The following DIAPH3 variants were observed in gnomAD, a reference collection of about 807,000 sequenced individuals.
DIAPH3 encodes diaphanous related formin 3.
Under a neutral mutation model 144.3 loss-of-function variants are expected in DIAPH3, and 117 were observed. That is an observed-to-expected ratio of 0.81 (90% CI 0.70 to 0.95). DIAPH3 has a LOEUF of 0.95. Among genes scored for constraint, DIAPH3 ranks in the 40% least tolerant of loss-of-function variants. The probability of loss-of-function intolerance (pLI) is 0.00; values close to 1 mark genes in which losing one functional copy is unlikely to be tolerated. For missense variants in DIAPH3, 1,421 were observed against 1,412.7 expected (o/e 1.01, Z -0.09); for synonymous variants, 519 against 488.9 (o/e 1.06, Z -0.81).
intron 4 of DIAPH3, among the ~76,000 whole-genome samples, chr13:60,065,654 T>C (rs1019253035): frequency 1.3e-5 from 2 of 152,216 alleles, no homozygotes. Flanking sequence ...CCATGTCAAC[T>C]CATCAACAAA....
At chr13:59,700,762 C>A (rs1015489740) in intron 27 of DIAPH3, among the ~76,000 whole-genome samples, 1 of 152,132 alleles carries the variant, frequency 6.6e-6, no homozygotes, top group Admixed American at 6.5e-5. Context: ...TAGAGTTCAT[C>A]TGCTATAACG....
At chr13:59,686,206 T>C (rs1223442199) in intron 27 of DIAPH3, among the ~76,000 whole-genome samples, 2 of 152,086 alleles carry the variant, frequency 1.3e-5, no homozygotes, top group Non-Finnish European at 2.9e-5. Context: ...CCAGAAAATG[T>C]GGCACTCAGT....
intron 20 of DIAPH3, among the ~76,000 whole-genome samples, chr13:59,894,300 A>G (rs1386325957): frequency 1.3e-5 from 2 of 152,106 alleles, no homozygotes; most frequent in Non-Finnish European, 2.9e-5. Context: ...GCATTCAGGT[A>G]ACGGACATAA....
intron 5 of DIAPH3, among the ~76,000 whole-genome samples, chr13:60,024,315 T>C (rs2054236178): frequency 1.3e-5 from 2 of 152,220 alleles, no homozygotes; most frequent in Admixed American, 6.5e-5. Flanking sequence ...GTCCAGACTA[T>C]ATACTTTCTA....
chr13:60,100,577 CTAA>C (rs1385332790), intron 3 of DIAPH3, among the ~76,000 whole-genome samples: 1 of 151,976 alleles, frequency 6.6e-6, no homozygotes, highest in African/African-American at 2.4e-5. Context: ...AATAATTGTA[CTAA>C]TGTTATATAA....
chr13:59,952,181 G>C (rs1204399126), intron 17 of DIAPH3, among the ~76,000 whole-genome samples: 1 of 152,084 alleles, frequency 6.6e-6, no homozygotes. Flanking sequence ...CCACTGATAT[G>C]AAACATCCAG....
intron 17 of DIAPH3, among the ~76,000 whole-genome samples, chr13:59,962,928 T>A (rs2049845593): frequency 6.6e-6 from 1 of 152,164 alleles, no homozygotes; most frequent in South Asian, 2.1e-4. Context: ...ATTGTACTCA[T>A]GGAAACTTAA....
intron 1 of DIAPH3, among the ~76,000 whole-genome samples, chr13:60,140,257 A>G (rs1324616784): frequency 6.6e-6 from 1 of 152,236 alleles, no homozygotes; most frequent in East Asian, 1.9e-4. Flanking sequence ...AATTTGGTTA[A>G]ACCATTTTAG....
chr13:59,856,901 A>T (rs1449286298), intron 22 of DIAPH3, among the ~76,000 whole-genome samples: 4 of 94,226 alleles, frequency 4.2e-5, no homozygotes. Context: ...GATATTGGTA[A>T]AAAAAAAAAA....
At chr13:60,115,976 C>T (rs1463895584) in intron 2 of DIAPH3, among the ~76,000 whole-genome samples, 1 of 151,986 alleles carries the variant, frequency 6.6e-6, no homozygotes, top group Non-Finnish European at 1.5e-5. Flanking sequence ...GCAAAAGAAA[C>T]ACACTTTCAG....
intron 27 of DIAPH3, among the ~76,000 whole-genome samples, chr13:59,743,425 G>A (rs113207467): frequency 1.3e-5 from 2 of 152,126 alleles, no homozygotes; most frequent in Non-Finnish European, 2.9e-5. Flanking sequence ...ACATGGGGGA[G>A]CAAGTTGGGT....
At chr13:59,852,931 C>T (rs1460040158) in intron 22 of DIAPH3, among the ~76,000 whole-genome samples, 1 of 152,158 alleles carries the variant, frequency 6.6e-6, no homozygotes, top group Non-Finnish European at 1.5e-5. Context: ...ATAACACCCA[C>T]ACTATAAGAA....
In DIAPH3 at chr13:60,133,757, G is replaced by A. The variant is rs571951605; in HGVS notation, c.181-768C>T. Reference sequence around the variant, plus strand: ...TCTAAGTTTTATAAGTCCCAGTGTCGGGAAAGATATTGTATTCAAGTAACT... The same window carrying A: ...TCTAAGTTTTATAAGTCCCAGTGTCAGGAAAGATATTGTATTCAAGTAACT... On this transcript the variant is annotated intron_variant, in intron 1 of 27. Transcript: ENST00000400324. 1.9e-4 allele frequency among the ~76,000 whole-genome samples: 29 copies of A among 152,142 alleles called. 1 individual carries two copies. The highest frequency in any genetic ancestry group is 6.7e-4 in the African/African-American group (28 of 41,534).
intron 22 of DIAPH3, among the ~76,000 whole-genome samples, chr13:59,842,835 C>T (rs1221073316): frequency 2.0e-5 from 3 of 152,066 alleles, no homozygotes; most frequent in East Asian, 1.9e-4. Context: ...AATGGTGGGA[C>T]GGGGGTGGTG....
chr13:60,126,931 A>G (rs2059007104), intron 2 of DIAPH3, among the ~76,000 whole-genome samples: 1 of 152,112 alleles, frequency 6.6e-6, no homozygotes, highest in Non-Finnish European at 1.5e-5. Flanking sequence ...AAAGGTATTA[A>G]ATCAATGACT....
chr13:59,812,419 G>A (rs903013531), intron 24 of DIAPH3, among the ~76,000 whole-genome samples: 2 of 152,112 alleles, frequency 1.3e-5, no homozygotes, highest in Non-Finnish European at 2.9e-5. Flanking sequence ...AAAGGAAGGC[G>A]GAGAGGGGAG....
chr13:59,932,417 A>G (rs2048064734), intron 17 of DIAPH3, among the ~76,000 whole-genome samples: 1 of 152,096 alleles, frequency 6.6e-6, no homozygotes, highest in South Asian at 2.1e-4. Flanking sequence ...CATCATCACA[A>G]TAAGGAAAAA....
At chr13:59,785,073 G>A (rs959721040) in intron 25 of DIAPH3, among the ~76,000 whole-genome samples, 5 of 152,272 alleles carry the variant, frequency 3.3e-5, no homozygotes, top group African/African-American at 1.2e-4. Flanking sequence ...TAATCCAGAT[G>A]TGAAACTGAA....
chr13:59,693,158 C>T (rs998924075), intron 27 of DIAPH3, among the ~76,000 whole-genome samples: 1 of 152,092 alleles, frequency 6.6e-6, no homozygotes, highest in Admixed American at 6.5e-5. Context: ...GAGGGAACAG[C>T]GTGAAGGCCT....
Sources: allele counts gnomAD v4.1 joint callset (sites outside exome capture counted in the v4.1 genomes callset), GRCh38; gene constraint gnomAD v4.1.1; transcripts MANE v1.5; gene names NCBI Gene and HGNC (gene_info 2026-07-23, HGNC 2026-07-21).